Variants in RFTN1 observed in about 807,000 individuals in gnomAD.
RFTN1 encodes raftlin.
RFTN1 carries 26 observed loss-of-function variants against 46.5 expected under a neutral mutation model. That is an observed-to-expected ratio of 0.56 (90% CI 0.41 to 0.78). RFTN1 has a LOEUF of 0.78. Among genes scored for constraint, RFTN1 ranks in the 30% least tolerant of loss-of-function variants. The pLI is 0.00. For missense variants in RFTN1, 693 were observed against 718.7 expected (o/e 0.96, Z 0.41); for synonymous variants, 261 against 284.2 (o/e 0.92, Z 0.82).
At position 16,427,098 on chromosome 3, in the gene RFTN1, C is replaced by T. The variant is rs148439338; in HGVS notation, c.332+6753G>A. Among the ~76,000 whole-genome samples the T allele has an allele frequency of 5.3e-3, 810 of 152,310 alleles. 3 individuals carry two copies. Among genetic ancestry groups the T allele is most frequent in the African/African-American group, 0.018 (745 of 41,560 alleles). On this transcript the variant is annotated intron_variant, in intron 3 of 9. Transcript: ENST00000334133. The surrounding 1 kb of genome is among the most constrained non-coding windows in gnomAD (Gnocchi z 5.4). ...AAGCACTACACAGAAATCTTAGAGG[C>T]TGCAAGATGGCAGCCAGTGGCATGG... is the stretch of plus-strand genomic sequence containing the variant.
At chr3:16,434,596 C>T (rs1445942958) in intron 2 of RFTN1, 1 of 151,530 alleles carries the variant, frequency 6.6e-6, no homozygotes, top group Non-Finnish European at 1.5e-5. Flanking sequence ...TGTCTTAGAT[C>T]TAGAGTCGTC....
chr3:16,437,473 A>G (rs2075537629), intron 2 of RFTN1, among the ~76,000 whole-genome samples: 1 of 152,030 alleles, frequency 6.6e-6, no homozygotes, highest in Non-Finnish European at 1.5e-5. Flanking sequence ...AGCCTAGGCA[A>G]TAGGGCAAAA....
At position 16,443,336 on chromosome 3, in the gene RFTN1, A is replaced by C. The variant is rs751743763; in HGVS notation, c.146-9299T>G. On this transcript the variant is annotated intron_variant, in intron 2 of 9. Coordinates refer to ENST00000334133, the MANE Select transcript of RFTN1 (RefSeq NM_015150.2). The surrounding 1 kb of genome is among the most constrained non-coding windows in gnomAD (Gnocchi z 5.5). ...TCTCTGATGTTTAGTGATGTTAATAAGCATTCTTTCATATATGTGTGGGCC... is the reference window on the plus strand; with the variant it reads ...TCTCTGATGTTTAGTGATGTTAATACGCATTCTTTCATATATGTGTGGGCC... 2.0e-5 allele frequency among the ~76,000 whole-genome samples: 3 copies of C among 152,188 alleles called. No homozygotes were observed. The highest frequency in any genetic ancestry group is 7.2e-5 in the African/African-American group (3 of 41,444).
At chr3:16,496,027 A>T (rs1470862120) in intron 1 of RFTN1, among the ~76,000 whole-genome samples, 1 of 152,276 alleles carries the variant, frequency 6.6e-6, no homozygotes, top group Non-Finnish European at 1.5e-5. Flanking sequence ...AAATTTTGAC[A>T]ATGTGGGCTA....
chr3:16,379,767 A>C (rs2073920331), intron 4 of RFTN1, among the ~76,000 whole-genome samples: 1 of 152,230 alleles, frequency 6.6e-6, no homozygotes, highest in Non-Finnish European at 1.5e-5. Context: ...TTCCCTCATT[A>C]ATCTATGATA....
At chr3:16,511,812 C>T (rs1043681621) in intron 1 of RFTN1, among the ~76,000 whole-genome samples, 1 of 151,970 alleles carries the variant, frequency 6.6e-6, no homozygotes. Flanking sequence ...ACTTGTATTC[C>T]CAATTTATTA....
In RFTN1 at chr3:16,413,280, G is replaced by A. The variant is rs539326889; in HGVS notation, c.333-3797C>T. Among the ~76,000 whole-genome samples the A allele has an allele frequency of 6.6e-6, 1 of 152,364 alleles. No individual in the cohort carries two copies. The highest frequency in any genetic ancestry group is 2.1e-4 in the South Asian group (1 of 4,830). ...GAGTGTTCTGTGTCCCTGAGGGCAA[G>A]GACTATCCTGGGAGACAGAAGTGGA... On this transcript the variant is annotated intron_variant, in intron 3 of 9. Coordinates refer to ENST00000334133, the MANE Select transcript of RFTN1 (RefSeq NM_015150.2). The surrounding 1 kb of genome is among the most constrained non-coding windows in gnomAD (Gnocchi z 4.7).
chr3:16,447,095 T>C lies in RFTN1; in HGVS notation c.146-13058A>G, dbSNP rs1161917838. 6.6e-6 allele frequency among the ~76,000 whole-genome samples: 1 copy of C among 152,160 alleles called. No homozygotes were observed. The highest frequency in any genetic ancestry group is 2.4e-5 in the African/African-American group (1 of 41,436). On this transcript the variant is annotated intron_variant, in intron 2 of 9. Transcript: ENST00000334133. The surrounding 1 kb of genome is among the most constrained non-coding windows in gnomAD (Gnocchi z 5.9). The stretch of plus-strand genomic sequence containing the variant: ...CACCACCCCAAGACACACCAGCAAA[T>C]TCCTATCAGTGGATTCTCCTTTTCC...
Position 16,447,166 on chromosome 3 carries a change from A to G in RFTN1, c.146-13129T>C, listed in dbSNP as rs984463039. On this transcript the variant is annotated intron_variant, in intron 2 of 9. Coordinates refer to ENST00000334133, the MANE Select transcript of RFTN1 (RefSeq NM_015150.2). The surrounding 1 kb of genome is among the most constrained non-coding windows in gnomAD (Gnocchi z 5.9). The stretch of plus-strand genomic sequence containing the variant: ...CATATATTCAGCAGTGCAGCCACAA[A>G]ACCATTCACTAAGTCTACATAAAGT... 1.9e-4 allele frequency among the ~76,000 whole-genome samples: 29 copies of G among 152,326 alleles called. No homozygotes were observed. Among genetic ancestry groups the G allele is most frequent in the African/African-American group, 7.0e-4 (29 of 41,578 alleles).
intron 4 of RFTN1, among the ~76,000 whole-genome samples, chr3:16,391,869 G>GTTTTTTTTTTTTTTTTT (rs576052890): frequency 1.7e-5 from 1 of 57,726 alleles, no homozygotes; most frequent in Non-Finnish European, 4.9e-5. Flanking sequence ...TTTTTTTTTT[G>GTTTTTTTTTTTTTTTTT]TTTTTTTTTT....
At chr3:16,372,678 C>T (rs6442599) in intron 5 of RFTN1, among the ~76,000 whole-genome samples, 140 of 152,234 alleles carry the variant, frequency 9.2e-4, no homozygotes, top group African/African-American at 3.3e-3. Flanking sequence ...TTCCCAAATG[C>T]GTAATGAACC....
chr3:16,378,474 T>G (rs113772890), intron 4 of RFTN1, among the ~76,000 whole-genome samples: 3 of 152,212 alleles, frequency 2.0e-5, no homozygotes, highest in East Asian at 1.9e-4. Flanking sequence ...TAGTTTTTTT[T>G]GTCACTTTTT....
At position 16,442,710 on chromosome 3, in the gene RFTN1, C is replaced by G. The variant is rs2075651704; in HGVS notation, c.146-8673G>C. Among the ~76,000 whole-genome samples, 2 of 152,148 alleles carry G rather than the reference C, an allele frequency of 1.3e-5. No individual in the cohort carries two copies. Among genetic ancestry groups the G allele is most frequent in the South Asian group, 4.2e-4 (2 of 4,818 alleles). On this transcript the variant is annotated intron_variant, in intron 2 of 9. Transcript: ENST00000334133. This position sits in a 1 kb window ranked among gnomAD's most constrained non-coding sequence, Gnocchi z 4.1. ...ATCATACATAACTGCAACTTTGTAC[C>G]TTTGACCTACAACTCCCCATCTCCC...
intron 4 of RFTN1, among the ~76,000 whole-genome samples, chr3:16,398,815 G>A (rs1185136704): frequency 1.3e-5 from 2 of 152,142 alleles, no homozygotes; most frequent in Admixed American, 1.3e-4. Context: ...GTCTCTCCCT[G>A]GAACAAAGCA....
chr3:16,437,812 C>T (rs2075545815), intron 2 of RFTN1, among the ~76,000 whole-genome samples: 1 of 152,154 alleles, frequency 6.6e-6, no homozygotes, highest in South Asian at 2.1e-4. Context: ...AGCCCAAGAT[C>T]TCCTTTTGTC....
Position 16,317,576 on chromosome 3 carries a change from T to C in RFTN1, c.1333-344A>G, listed in dbSNP as rs574099679. 3.9e-5 allele frequency among the ~76,000 whole-genome samples: 6 copies of C among 152,306 alleles called. No individual in the cohort carries two copies. In the East Asian group the frequency reaches 1.2e-3, roughly 29 times the overall value. On this transcript the variant is annotated intron_variant, in intron 9 of 9. Coordinates refer to ENST00000334133, the MANE Select transcript of RFTN1 (RefSeq NM_015150.2). The surrounding 1 kb of genome is among the most constrained non-coding windows in gnomAD (Gnocchi z 4.3). ...GGAGGGCCAGGATGGAGAGGAGATG[T>C]GAGGCCTGCCCCCAGTAAGAGCCAG...
intron 7 of RFTN1, among the ~76,000 whole-genome samples, chr3:16,333,854 C>T (rs1254445319): frequency 1.3e-5 from 2 of 152,162 alleles, no homozygotes; most frequent in East Asian, 1.9e-4. Context: ...AATGCAGAAT[C>T]TCATAAGAAA....
intron 6 of RFTN1, among the ~76,000 whole-genome samples, chr3:16,369,196 G>C (rs550595580): frequency 2.2e-4 from 33 of 152,334 alleles, no homozygotes; most frequent in Non-Finnish European, 8.8e-5. Flanking sequence ...GGCATTTCAA[G>C]GATTGCAAAC....
chr3:16,381,695 A>G lies in RFTN1; in HGVS notation c.442-3593T>C, dbSNP rs2073998881. On this transcript the variant is annotated intron_variant, in intron 4 of 9. Transcript: ENST00000334133. This position sits in a 1 kb window ranked among gnomAD's most constrained non-coding sequence, Gnocchi z 4.2. Reference sequence around the variant, plus strand: ...CATGTAAAGGCAAGGAAGGATCATGATGGGCAAAAGCGTGACAGTATGCAA... The same window carrying G: ...CATGTAAAGGCAAGGAAGGATCATGGTGGGCAAAAGCGTGACAGTATGCAA... Among the ~76,000 whole-genome samples, 1 of 152,224 alleles carries G rather than the reference A, an allele frequency of 6.6e-6. No homozygotes were observed. Among genetic ancestry groups the G allele is most frequent in the African/African-American group, 2.4e-5 (1 of 41,448 alleles).
Sources: gnomAD v4.1 joint callset for allele counts (sites outside exome capture counted in the v4.1 genomes callset) on GRCh38, gnomAD v4.1.1 for gene constraint, Gnocchi (gnomAD v3.1) non-coding constraint, MANE v1.5 for transcripts, NCBI Gene and HGNC (gene_info 2026-07-23, HGNC 2026-07-21) for gene names.